SLC24A3: variants seen among roughly 807,000 people sequenced by gnomAD.
The protein encoded by SLC24A3 is solute carrier family 24 member 3.
A neutral mutation model predicts 75.8 loss-of-function variants in SLC24A3; 28 were observed. The observed-to-expected ratio is 0.37, with a 90% CI of 0.27 to 0.51. SLC24A3 has a LOEUF of 0.51. Ranked by LOEUF, SLC24A3 falls within the 20% of genes least tolerant of loss-of-function variation. The probability of loss-of-function intolerance (pLI) is 0.94; values close to 1 mark genes in which losing one functional copy is unlikely to be tolerated. For synonymous variants in SLC24A3, 372 were observed against 334.1 expected, an observed-to-expected ratio of 1.11 and a Z score of -1.24; for missense variants, 663 against 847.8, an observed-to-expected ratio of 0.78 and a Z score of 2.71.
intron 1 of SLC24A3, among the ~76,000 whole-genome samples, chr20:19,247,944 G>A (rs1389976649): frequency 2.0e-5 from 3 of 152,118 alleles, no homozygotes; most frequent in Non-Finnish European, 4.4e-5. Flanking sequence ...TTCCTCCTTT[G>A]TAAATAAGTG....
At chr20:19,677,293 CAAAAA>C (rs5840854) in intron 9 of SLC24A3, among the ~76,000 whole-genome samples, 1 of 102,628 alleles carries the variant, frequency 9.7e-6, no homozygotes. Context: ...GACCCCGTTC[CAAAAA>C]AAAAAAAAAA....
chr20:19,319,688 T>C (rs1177837394), intron 2 of SLC24A3, among the ~76,000 whole-genome samples: 1 of 152,138 alleles, frequency 6.6e-6, no homozygotes, highest in African/African-American at 2.4e-5. Context: ...TTGGAGTTAA[T>C]GGGCCATGGG....
At chr20:19,273,901 G>C (rs1488497600) in intron 1 of SLC24A3, among the ~76,000 whole-genome samples, 13 of 151,372 alleles carry the variant, frequency 8.6e-5, no homozygotes, top group Non-Finnish European at 1.5e-4. Context: ...CTCTTAACTG[G>C]TGTAAATTTC....
intron 2 of SLC24A3, among the ~76,000 whole-genome samples, chr20:19,385,023 A>G (rs1030211954): frequency 2.0e-5 from 3 of 152,062 alleles, no homozygotes; most frequent in Non-Finnish European, 4.4e-5. Context: ...TGAGTTCCTT[A>G]TCCATTCTAG....
chr20:19,355,836 A>AAAT (rs1402027874), intron 2 of SLC24A3, among the ~76,000 whole-genome samples: 6 of 152,218 alleles, frequency 3.9e-5, no homozygotes, highest in Middle Eastern at 3.2e-3. Context: ...ATGGGCTGTA[A>AAAT]AATACCTGAC....
chr20:19,672,671 G>A (rs1309924122), intron 8 of SLC24A3, among the ~76,000 whole-genome samples: 1 of 152,108 alleles, frequency 6.6e-6, no homozygotes, highest in Non-Finnish European at 1.5e-5. Flanking sequence ...ATGAACCTAC[G>A]TATCATTTAT....
chr20:19,310,956 T>C (rs1203492270), intron 2 of SLC24A3, among the ~76,000 whole-genome samples: 2 of 152,200 alleles, frequency 1.3e-5, no homozygotes, highest in Non-Finnish European at 2.9e-5. Context: ...AAGCTTTTCA[T>C]TTCTTTTTTA....
chr20:19,473,522 T>C (rs1162764017), intron 2 of SLC24A3, among the ~76,000 whole-genome samples: 1 of 152,258 alleles, frequency 6.6e-6, no homozygotes, highest in East Asian at 1.9e-4. Flanking sequence ...TCTGTAGCTT[T>C]CTTTTTTTCA....
At chr20:19,718,394 A>G (rs892097707) in intron 16 of SLC24A3, among the ~76,000 whole-genome samples, 3 of 152,222 alleles carry the variant, frequency 2.0e-5, no homozygotes, top group African/African-American at 2.4e-5. Context: ...CAGTTCTGCT[A>G]TGACTTGGAG....
chr20:19,595,432 G>C (rs557280987), intron 6 of SLC24A3, among the ~76,000 whole-genome samples: 1 of 152,286 alleles, frequency 6.6e-6, no homozygotes, highest in East Asian at 1.9e-4. Context: ...GGGCCCTTCA[G>C]CTGGCACAAA....
intron 2 of SLC24A3, among the ~76,000 whole-genome samples, chr20:19,399,018 G>A (rs1028508480): frequency 4.6e-5 from 7 of 151,950 alleles, no homozygotes; most frequent in African/African-American, 1.7e-4. Context: ...TATTTCTTTG[G>A]TAGTTTGTTC....
chr20:19,720,893 T>TCAG, intron 16 of SLC24A3, 98 bp from the exon 17 acceptor site: 1 of 1,418,520 alleles, frequency 7.0e-7, no homozygotes, highest in East Asian at 2.3e-5. Flanking sequence ...AGGCCCATAG[T>TCAG]CAGCAGCCCT....
intron 2 of SLC24A3, among the ~76,000 whole-genome samples, chr20:19,345,538 G>GT (rs1379154092): frequency 6.6e-6 from 1 of 151,978 alleles, no homozygotes; most frequent in African/African-American, 2.4e-5. Context: ...TGTGGTATTG[G>GT]TAAAAGAAGG....
intron 2 of SLC24A3, among the ~76,000 whole-genome samples, chr20:19,475,751 A>G (rs910796737): frequency 2.0e-5 from 3 of 152,190 alleles, no homozygotes; most frequent in Admixed American, 6.5e-5. Context: ...TTTTTAAATC[A>G]TTTTTTCAGT....
chr20:19,347,690 G>A (rs1985458030), intron 2 of SLC24A3, among the ~76,000 whole-genome samples: 1 of 152,196 alleles, frequency 6.6e-6, no homozygotes, highest in Non-Finnish European at 1.5e-5. Flanking sequence ...AAAGACAAAA[G>A]GGCGACATTA....
intron 1 of SLC24A3, among the ~76,000 whole-genome samples, chr20:19,279,347 C>T (rs1476263396): frequency 2.0e-5 from 3 of 152,194 alleles, no homozygotes; most frequent in African/African-American, 4.8e-5. Context: ...GCCTCAGGTC[C>T]CTTCTTCAGT....
At chr20:19,535,583 T>C (rs1482453908) in intron 3 of SLC24A3, among the ~76,000 whole-genome samples, 1 of 152,218 alleles carries the variant, frequency 6.6e-6, no homozygotes, top group African/African-American at 2.4e-5. Flanking sequence ...GGCCAGCTGC[T>C]GTGATTTTCA....
intron 2 of SLC24A3, among the ~76,000 whole-genome samples, chr20:19,288,055 G>A (rs1883943): frequency 1 from 152,376 of 152,376 alleles, 76,188 homozygotes; most frequent in Non-Finnish European, 1. Flanking sequence ...TGGAAGGTAG[G>A]CTGATGGAGA....
rs747623530 is a variant in SLC24A3, at chr20:19,313,028, C to CTTTTTTT, written c.271+31961_271+31967dup. Among the ~76,000 whole-genome samples, 4 of 68,274 alleles carry CTTTTTTT rather than the reference C, an allele frequency of 5.9e-5. 1 individual carries two copies. Among genetic ancestry groups the CTTTTTTT allele is most frequent in the Non-Finnish European group, 8.0e-5 (3 of 37,558 alleles). The allele number at this position is 68,274 out of a possible 152,430, so 44.8% of individuals were successfully genotyped here. A position where few individuals can be genotyped will look rare whatever the true frequency, so the allele number is the denominator to read the frequency against. On this transcript the variant is annotated intron_variant, in intron 2 of 16. Coordinates refer to ENST00000328041, the MANE Select transcript of SLC24A3 (RefSeq NM_020689.4). The stretch of plus-strand genomic sequence containing the variant: ...TTCAAGTATTCTTCCTTTTCTCTTG[C>CTTTTTTT]TTTTTTTTTTTTTTTTTTTTTTTTT...
Sources: allele counts gnomAD v4.1 joint callset (sites outside exome capture counted in the v4.1 genomes callset), GRCh38; gene constraint gnomAD v4.1.1; transcripts MANE v1.5; gene names NCBI Gene and HGNC (gene_info 2026-07-23, HGNC 2026-07-21).